Variants in CAST observed in about 807,000 individuals in gnomAD.
The protein encoded by CAST is calpastatin, also known as MIR583 host.
A neutral mutation model predicts 119.6 loss-of-function variants in CAST; 76 were observed. That is an observed-to-expected ratio of 0.64 (90% CI 0.53 to 0.77). The LOEUF is 0.77. CAST is among the 30% of genes least tolerant of loss of function. The pLI is 0.00. For synonymous variants in CAST, 319 were observed against 331.6 expected (o/e 0.96, Z 0.41); for missense variants, 953 against 946.5 (o/e 1.01, Z -0.09).
chr5:96,228,741 G>C, the CAST span, among the ~76,000 whole-genome samples: 1 of 152,166 alleles, frequency 6.6e-6, no homozygotes, highest in African/African-American at 2.4e-5. Flanking sequence ...GTGTCAGCAT[G>C]CTTACAAAGT....
At chr5:96,229,537 C>T in the CAST span, among the ~76,000 whole-genome samples, 16 of 152,096 alleles carry the variant, frequency 1.1e-4, no homozygotes, top group East Asian at 2.7e-3. Flanking sequence ...TTCCTGAGCC[C>T]GATAGCCACA....
chr5:96,556,059 C>T lies in CAST; in HGVS notation c.60+26179C>T, dbSNP rs187858566. ...GCAATATTTGCTGTTCACCAATATC[C>T]GCTGTTCTGCAGCCTCCGCTGCTTA... On this transcript the variant is annotated intron_variant, in intron 1 of 11. Transcript: ENST00000505143. Among the ~76,000 whole-genome samples, 13 of 152,328 alleles carry T rather than the reference C, an allele frequency of 8.5e-5. 1 individual carries two copies. The highest frequency in any genetic ancestry group is 3.9e-4 in the East Asian group (2 of 5,188).
chr5:96,328,886 C>G, the CAST span, among the ~76,000 whole-genome samples: 1 of 152,186 alleles, frequency 6.6e-6, no homozygotes, highest in Non-Finnish European at 1.5e-5. Flanking sequence ...TCTGAGATTC[C>G]CTTTCTCCTT....
the CAST span, among the ~76,000 whole-genome samples, chr5:96,345,117 CA>C: frequency 2.8e-4 from 42 of 152,240 alleles, no homozygotes; most frequent in African/African-American, 9.6e-4. Flanking sequence ...TATATTTAAT[CA>C]GTCTGTTATT....
chr5:96,080,145 T>C, the CAST span, among the ~76,000 whole-genome samples: 2 of 152,200 alleles, frequency 1.3e-5, no homozygotes, highest in South Asian at 2.1e-4. Context: ...CTCAACTTTC[T>C]GTACCTCAGT....
chr5:96,416,138 A>C, the CAST span: 1 of 1,530,520 alleles, frequency 6.5e-7, no homozygotes, highest in African/African-American at 1.4e-5. Context: ...ATTGAAAAAT[A>C]AGAATTATAA....
At chr5:96,570,718 C>T (rs1344132982) in intron 1 of CAST, among the ~76,000 whole-genome samples, 1 of 152,138 alleles carries the variant, frequency 6.6e-6, no homozygotes, top group Non-Finnish European at 1.5e-5. Context: ...TTAGTTTTTA[C>T]TACTTTAGGA....
At chr5:96,576,572 T>C (rs1278876647) in intron 1 of CAST, among the ~76,000 whole-genome samples, 1 of 152,134 alleles carries the variant, frequency 6.6e-6, no homozygotes, top group Non-Finnish European at 1.5e-5. Context: ...CTTGAACTTC[T>C]GGCCTCAAGT....
chr5:96,261,180 C>G, the CAST span, among the ~76,000 whole-genome samples: 1 of 152,134 alleles, frequency 6.6e-6, no homozygotes, highest in Admixed American at 6.5e-5. Flanking sequence ...TAAGCAGGCT[C>G]TAGTGGTATA....
At chr5:96,665,832 T>C (rs1407727219) in intron 1 of CAST, among the ~76,000 whole-genome samples, 2 of 152,102 alleles carry the variant, frequency 1.3e-5, no homozygotes, top group Non-Finnish European at 2.9e-5. Context: ...AATACACACA[T>C]GCATGTATAA....
intron 1 of CAST, among the ~76,000 whole-genome samples, chr5:96,567,040 A>T (rs1348576860): frequency 6.6e-6 from 1 of 152,166 alleles, no homozygotes; most frequent in Non-Finnish European, 1.5e-5. Flanking sequence ...TTTGCTGCAA[A>T]TTATATGGGA....
chr5:95,962,059 A>G, the CAST span: 1 of 399,524 alleles, frequency 2.5e-6, no homozygotes, highest in Admixed American at 4.4e-5. Flanking sequence ...CGTCTAGGTG[A>G]CGCGCCAACT....
the CAST span, among the ~76,000 whole-genome samples, chr5:96,498,630 T>C: frequency 6.6e-6 from 1 of 152,224 alleles, no homozygotes; most frequent in Non-Finnish European, 1.5e-5. Flanking sequence ...TGTCAAGCAA[T>C]AAAGATCAAG....
At chr5:96,639,973 A>G (rs2150203153) in intron 1 of CAST, among the ~76,000 whole-genome samples, 1 of 152,274 alleles carries the variant, frequency 6.6e-6, no homozygotes, top group Admixed American at 6.5e-5. Flanking sequence ...CCTCTCAATC[A>G]AGTTCATTCC....
At chr5:96,430,282 G>A in the CAST span, among the ~76,000 whole-genome samples, 1 of 152,114 alleles carries the variant, frequency 6.6e-6, no homozygotes, top group African/African-American at 2.4e-5. Flanking sequence ...TAAATTTGAG[G>A]CTACCAAATC....
the CAST span, among the ~76,000 whole-genome samples, chr5:96,276,961 G>A: frequency 1.3e-5 from 2 of 152,180 alleles, no homozygotes; most frequent in Non-Finnish European, 2.9e-5. Context: ...TGCAACTTTA[G>A]ATTGGTCCTG....
chr5:96,238,343 CT>C, the CAST span, among the ~76,000 whole-genome samples: 5 of 129,536 alleles, frequency 3.9e-5, no homozygotes, highest in African/African-American at 3.1e-5. Context: ...TCTTCTTCTT[CT>C]TCATCTTCAT....
the CAST span, among the ~76,000 whole-genome samples, chr5:96,169,296 T>G: frequency 6.6e-6 from 1 of 152,012 alleles, no homozygotes; most frequent in African/African-American, 2.4e-5. Context: ...GCCTGATGGG[T>G]GTCAGGGTCA....
rs1463930318 is a variant in CAST at position 96,771,735 on chromosome 5, A to G, written c.*23+33A>G. On this transcript the variant is annotated intron_variant, in intron 31 of 31. Coordinates refer to ENST00000675179, the MANE Select transcript of CAST (RefSeq NM_001750.7). ...GGGTGTTTATTTGTAAATGAAGACA[A>G]CTGTATCTTCTGCCAATTTATGTGT... The G allele has an allele frequency of 5.1e-6, 7 of 1,365,770 alleles. No individual in the cohort carries two copies. The South Asian group carries it at 7.1e-5, about 14-fold the overall frequency. 84.6% of individuals were successfully genotyped at this position (1,365,770 alleles called of 1,614,324 possible).
Sources: gnomAD v4.1 joint callset for allele counts (sites outside exome capture counted in the v4.1 genomes callset) on GRCh38, gnomAD v4.1.1 for gene constraint, MANE v1.5 for transcripts, NCBI Gene and HGNC (gene_info 2026-07-23, HGNC 2026-07-21) for gene names.